The following EFCAB6 variants were observed in gnomAD, a reference collection of about 807,000 sequenced individuals.
The protein encoded by EFCAB6 is EF-hand calcium-binding domain-containing protein 6.
EFCAB6 carries 156 observed loss-of-function variants against 169.8 expected under a neutral mutation model. That is an observed-to-expected ratio of 0.92 (90% CI 0.81 to 1.05). The LOEUF (loss-of-function observed/expected upper bound fraction) is 1.05, where lower values mean the gene tolerates loss of function less well. Among genes scored for constraint, EFCAB6 ranks in the 50% least tolerant of loss-of-function variants. The pLI, the probability that EFCAB6 is intolerant of heterozygous loss-of-function variation, is 0.00. For synonymous variants in EFCAB6, 698 were observed against 676.4 expected, an observed-to-expected ratio of 1.03 and a Z score of -0.50; for missense variants, 1,800 against 1,829.1, an observed-to-expected ratio of 0.98 and a Z score of 0.29.
chr22:43,615,268 T>C (rs2053612323), intron 21 of EFCAB6, among the ~76,000 whole-genome samples: 1 of 152,216 alleles, frequency 6.6e-6, no homozygotes, highest in African/African-American at 2.4e-5. Context: ...TGCAGTTCTA[T>C]TATCTTGTAG....
At chr22:43,546,486 G>A (rs1035816461) in intron 27 of EFCAB6, among the ~76,000 whole-genome samples, 2 of 152,072 alleles carry the variant, frequency 1.3e-5, no homozygotes, top group Non-Finnish European at 2.9e-5. Context: ...AGAAGATGGT[G>A]GAATGATATT....
intron 24 of EFCAB6, among the ~76,000 whole-genome samples, chr22:43,583,334 T>C (rs972168108): frequency 6.6e-6 from 1 of 151,552 alleles, no homozygotes; most frequent in African/African-American, 2.4e-5. Context: ...GATTTCATGG[T>C]TGGGGCATTC....
At chr22:43,681,919 G>A (rs889525331) in intron 12 of EFCAB6, among the ~76,000 whole-genome samples, 6 of 152,236 alleles carry the variant, frequency 3.9e-5, no homozygotes, top group Non-Finnish European at 7.3e-5. Context: ...TCCACTTGCA[G>A]AGTTGGTGGC....
chr22:43,773,548 A>C (rs893618238), intron 3 of EFCAB6, among the ~76,000 whole-genome samples: 1 of 152,216 alleles, frequency 6.6e-6, no homozygotes, highest in Non-Finnish European at 1.5e-5. Context: ...TAAAATGCAG[A>C]TATAAAAATG....
At chr22:43,615,684 A>G in intron 21 of EFCAB6, 142 bp downstream of exon 21, 1 of 564,486 alleles carries the variant, frequency 1.8e-6, no homozygotes, top group East Asian at 2.9e-5. Flanking sequence ...AAGTCTTTTA[A>G]GAATAGCAGG....
intron 8 of EFCAB6, among the ~76,000 whole-genome samples, chr22:43,718,705 T>C (rs965496891): frequency 2.4e-4 from 36 of 152,158 alleles, no homozygotes; most frequent in African/African-American, 6.8e-4. Context: ...TGCTTGAACC[T>C]GGGAGGCGGA....
intron 4 of EFCAB6, among the ~76,000 whole-genome samples, chr22:43,767,730 A>G (rs765390885): frequency 1.3e-5 from 2 of 152,220 alleles, no homozygotes; most frequent in Non-Finnish European, 2.9e-5. Context: ...GAAGAAAAAG[A>G]CAGCCCGTCA....
Position 43,744,114 on chromosome 22 carries a change from G to GAAT in EFCAB6, c.508-8122_508-8121insATT, listed in dbSNP as rs2147771624. 6.6e-6 allele frequency among the ~76,000 whole-genome samples: 1 copy of GAAT among 151,918 alleles called. No individual in the cohort carries two copies. Among genetic ancestry groups the GAAT allele is most frequent in the East Asian group, 1.9e-4 (1 of 5,158 alleles). ...TGAATGAATGAATGAATGAATGAAT[G>GAAT]GATGGGTTATGGATGGATGGATGGG... is the stretch of plus-strand genomic sequence containing the variant. On this transcript the variant is annotated intron_variant, in intron 6 of 31. Coordinates refer to ENST00000262726, the MANE Select transcript of EFCAB6 (RefSeq NM_022785.4). The surrounding 1 kb of genome is among the most constrained non-coding windows in gnomAD (Gnocchi z 4.3).
chr22:43,557,686 A>G (rs2048789791), intron 26 of EFCAB6, among the ~76,000 whole-genome samples: 1 of 152,222 alleles, frequency 6.6e-6, no homozygotes, highest in Non-Finnish European at 1.5e-5. Flanking sequence ...TTACACAAAT[A>G]CCAAAATATG....
intron 31 of EFCAB6, among the ~76,000 whole-genome samples, chr22:43,529,236 GA>G (rs2046915716): frequency 6.6e-6 from 1 of 152,248 alleles, no homozygotes; most frequent in African/African-American, 2.4e-5. Context: ...CTGAGGGGCT[GA>G]AGGCTGGTCA....
chr22:43,680,264 GGT>G (rs1247989608), intron 12 of EFCAB6, among the ~76,000 whole-genome samples: 1 of 152,096 alleles, frequency 6.6e-6, no homozygotes, highest in Non-Finnish European at 1.5e-5. Flanking sequence ...TAAATGTAAG[GGT>G]TTATTTTTGA....
chr22:43,718,063 C>CCACCCAT (rs2059395876), intron 8 of EFCAB6, among the ~76,000 whole-genome samples: 2 of 131,912 alleles, frequency 1.5e-5, no homozygotes, highest in African/African-American at 5.0e-5. Context: ...CATCCATCCA[C>CCACCCAT]CCATCCATCC....
At chr22:43,615,276 T>C (rs532680549) in intron 21 of EFCAB6, among the ~76,000 whole-genome samples, 30 of 152,314 alleles carry the variant, frequency 2.0e-4, no homozygotes, top group Non-Finnish European at 3.2e-4. Context: ...TATTATCTTG[T>C]AGGTCTGGCT....
In EFCAB6 at chr22:43,667,196, A is replaced by G. The variant is rs1401157556; in HGVS notation, c.1891T>C (p.Cys631Arg). 3 of 1,613,936 alleles carry G rather than the reference A, an allele frequency of 1.9e-6. No homozygotes were observed. The highest frequency in any genetic ancestry group is 1.1e-5 in the South Asian group (1 of 91,068). ...TEEVIEKFKKCIQQQDPAFKK... is the reference protein window; with the variant it reads ...TEEVIEKFKKRIQQQDPAFKK... Reference sequence around the variant, plus strand: ...AATGCCGGGTCCTGCTGCTGTATACACTTTTTGAATTTTTCAATCACTTCT... The same window carrying G: ...AATGCCGGGTCCTGCTGCTGTATACGCTTTTTGAATTTTTCAATCACTTCT... The change falls in exon 17 of 32, where the codon TGT becomes CGT. Residue 631 changes from cysteine (C) to arginine (R), a missense_variant. Physicochemically the swap from Cys to Arg is radical, Grantham distance 180. Transcript: ENST00000262726.
chr22:43,536,513 A>G (rs1303506433), intron 29 of EFCAB6: 1 of 152,188 alleles, frequency 6.6e-6, no homozygotes, highest in East Asian at 1.9e-4. Context: ...ACATGGTCAG[A>G]TGTATTTTCC....
At chr22:43,547,915 C>G (rs930764814) in intron 27 of EFCAB6, among the ~76,000 whole-genome samples, 1 of 151,928 alleles carries the variant, frequency 6.6e-6, no homozygotes, top group Non-Finnish European at 1.5e-5. Flanking sequence ...CATGGTGAAA[C>G]CCCGTCTCTA....
chr22:43,773,253 T>C, intron 3 of EFCAB6, 150 bp from the exon 4 acceptor site: 1 of 764,320 alleles, frequency 1.3e-6, no homozygotes, highest in Non-Finnish European at 2.1e-6. Flanking sequence ...TTAGATGACT[T>C]GTAATGAAAA....
intron 27 of EFCAB6, among the ~76,000 whole-genome samples, chr22:43,541,251 A>G (rs1569128461): frequency 6.6e-6 from 1 of 152,238 alleles, no homozygotes; most frequent in Non-Finnish European, 1.5e-5. Flanking sequence ...GGGGTTTTCC[A>G]AAGCAAATTA....
chr22:43,684,928 T>A (rs2058134376), intron 11 of EFCAB6, among the ~76,000 whole-genome samples: 1 of 152,140 alleles, frequency 6.6e-6, no homozygotes. Context: ...TGGATCTTAA[T>A]CCTGAAAGAT....
Sources: gnomAD v4.1 joint callset for allele counts (sites outside exome capture counted in the v4.1 genomes callset) on GRCh38, gnomAD v4.1.1 for gene constraint, Gnocchi (gnomAD v3.1) non-coding constraint, MANE v1.5 for transcripts, NCBI Gene and HGNC (gene_info 2026-07-23, HGNC 2026-07-21) for gene names.